The following RIN2 variants were observed in gnomAD, a reference collection of about 807,000 sequenced individuals.
The protein encoded by RIN2 is Ras and Rab interactor 2.
RIN2 carries 36 observed loss-of-function variants against 78.0 expected under a neutral mutation model. The observed-to-expected ratio is 0.46, with a 90% CI of 0.35 to 0.61. RIN2 has a LOEUF of 0.61. Ranked by LOEUF, RIN2 falls within the 20% of genes least tolerant of loss-of-function variation. The probability of loss-of-function intolerance (pLI) is 0.00; values close to 1 mark genes in which losing one functional copy is unlikely to be tolerated. For synonymous variants in RIN2, 466 were observed against 466.8 expected (o/e 1.00, Z 0.02); for missense variants, 1,087 against 1,159.7 (o/e 0.94, Z 0.91).
chr20:19,840,574 G>A (rs952635338), intron 2 of RIN2, among the ~76,000 whole-genome samples: 5 of 152,150 alleles, frequency 3.3e-5, no homozygotes, highest in Admixed American at 6.5e-5. Context: ...TCTGTCAAGG[G>A]TAAGTCCCCA....
chr20:19,887,369 T>C (rs1461147406), intron 2 of RIN2, among the ~76,000 whole-genome samples: 1 of 152,098 alleles, frequency 6.6e-6, no homozygotes, highest in East Asian at 1.9e-4. Context: ...TAATAAGCTA[T>C]GTACTGTCTG....
intron 2 of RIN2, chr20:19,889,025 A>G (rs2038322711): frequency 3.3e-6 from 2 of 615,338 alleles, no homozygotes; most frequent in South Asian, 7.2e-5. Flanking sequence ...GTAAACAGTG[A>G]CAGGATTTTA....
Position 19,975,363 on chromosome 20 carries a change from G to C in RIN2, c.1338G>C (p.Arg446=), listed in dbSNP as rs367993633. Residue 446 remains arginine, a synonymous_variant, in exon 9 of 13, where the codon CGG becomes CGC. Transcript: ENST00000255006. This position sits in a 1 kb window ranked among gnomAD's most constrained non-coding sequence, Gnocchi z 4.9. ...CCTCCGACTCGCTGGAGTTCGACCG[G>C]AGCATGCCTCTGTTTGGCTACGAGG... is the stretch of plus-strand genomic sequence containing the variant. ...TSSSDSLEFD[R]SMPLFGYEAD... The C allele has an allele frequency of 2.4e-3, 3,882 of 1,613,852 alleles. 15 individuals are homozygous for C. Among genetic ancestry groups the C allele is most frequent in the Middle Eastern group, 3.8e-3 (23 of 6,062 alleles).
intron 3 of RIN2, among the ~76,000 whole-genome samples, chr20:19,889,891 G>A (rs1275588360): frequency 2.0e-5 from 3 of 152,192 alleles, no homozygotes; most frequent in Non-Finnish European, 4.4e-5. Flanking sequence ...GGGCCGTGCT[G>A]TGCAAGACGG....
At chr20:19,996,479 T>G (rs1289493970) in intron 11 of RIN2, among the ~76,000 whole-genome samples, 200 bp from the exon 12 acceptor site, 5 of 152,174 alleles carry the variant, frequency 3.3e-5, no homozygotes, top group African/African-American at 4.8e-5. Context: ...TCCAGAAATC[T>G]CTGTGGGATG....
chr20:19,968,101 C>T (rs771118802), intron 7 of RIN2, among the ~76,000 whole-genome samples: 7 of 152,166 alleles, frequency 4.6e-5, no homozygotes, highest in African/African-American at 7.2e-5. Flanking sequence ...ACTTCACCTC[C>T]ATTAGCTCTG....
intron 8 of RIN2, among the ~76,000 whole-genome samples, chr20:19,972,298 G>T (rs921187444): frequency 4.6e-5 from 7 of 152,282 alleles, no homozygotes; most frequent in African/African-American, 1.7e-4. Context: ...CCGGGTCTCA[G>T]TTCTCTCTCC....
At chr20:19,767,568 G>T (rs546443253) in intron 1 of RIN2, among the ~76,000 whole-genome samples, 3 of 152,224 alleles carry the variant, frequency 2.0e-5, no homozygotes, top group African/African-American at 7.2e-5. Context: ...TTGCTTCTGA[G>T]GCCCTCATTT....
At chr20:19,844,928 C>T (rs995987473) in intron 2 of RIN2, among the ~76,000 whole-genome samples, 24 of 151,998 alleles carry the variant, frequency 1.6e-4, no homozygotes, top group African/African-American at 5.6e-4. Context: ...GTTCCCCTCC[C>T]TGTGTCCATG....
chr20:19,911,591 CCT>C (rs1266171444), intron 3 of RIN2, among the ~76,000 whole-genome samples: 1 of 152,220 alleles, frequency 6.6e-6, no homozygotes, highest in Non-Finnish European at 1.5e-5. Context: ...ATATAACACT[CCT>C]CTCTAACCCA....
chr20:19,862,780 G>T (rs2037384701), intron 2 of RIN2, among the ~76,000 whole-genome samples: 1 of 152,186 alleles, frequency 6.6e-6, no homozygotes, highest in Non-Finnish European at 1.5e-5. Context: ...ACCAGGGCTG[G>T]TCTTAGTCAT....
chr20:19,809,336 T>C (rs993661790), intron 2 of RIN2: 2 of 152,106 alleles, frequency 1.3e-5, no homozygotes, highest in Non-Finnish European at 2.9e-5. Context: ...GTCATAAATG[T>C]TGGAGTGAAG....
At chr20:19,840,614 G>A (rs2036550388) in intron 2 of RIN2, among the ~76,000 whole-genome samples, 1 of 152,166 alleles carries the variant, frequency 6.6e-6, no homozygotes, top group African/African-American at 2.4e-5. Flanking sequence ...AACCACTTCT[G>A]TTAATTGAGG....
rs773981430 is a variant in RIN2, at chr20:19,949,050, C to CG, written c.159-7560dup. Among the ~76,000 whole-genome samples the CG allele has an allele frequency of 1.1e-4, 16 of 147,504 alleles. No individual in the cohort carries two copies. The East Asian group carries it at 3.0e-3, about 27-fold the overall frequency. Reference sequence around the variant, plus strand: ...ATCCCAGCACTTTGGGAGGCCAAGGCGGGGGATTGCCTGAGTTCAGGAGTT... The same window carrying CG: ...ATCCCAGCACTTTGGGAGGCCAAGGCGGGGGGATTGCCTGAGTTCAGGAGTT... On this transcript the variant is annotated intron_variant, in intron 4 of 12. Transcript: ENST00000255006.
intron 2 of RIN2, among the ~76,000 whole-genome samples, chr20:19,868,761 C>A: frequency 6.6e-6 from 1 of 152,116 alleles, no homozygotes. Flanking sequence ...CAGAGATGAT[C>A]TCTGACCTAA....
chr20:19,925,100 A>G (rs77804997), intron 3 of RIN2, among the ~76,000 whole-genome samples: 9 of 139,266 alleles, frequency 6.5e-5, no homozygotes, highest in African/African-American at 2.8e-4. Flanking sequence ...ATTTGTGGAA[A>G]AAAAAAAAAA....
intron 6 of RIN2, among the ~76,000 whole-genome samples, chr20:19,961,426 T>TA (rs933609017): frequency 8.5e-5 from 13 of 152,060 alleles, no homozygotes; most frequent in African/African-American, 3.1e-4. Flanking sequence ...AAATTTTAAA[T>TA]AAAAAAGGGA....
At chr20:19,801,374 G>A (rs145063402) in intron 2 of RIN2, among the ~76,000 whole-genome samples, 4,401 of 152,110 alleles carry the variant, frequency 0.029, 212 homozygotes, top group African/African-American at 0.1. Flanking sequence ...AGGCTGGAGT[G>A]CAGTGGCGCA....
At chr20:19,845,118 T>C (rs2036740355) in intron 2 of RIN2, among the ~76,000 whole-genome samples, 1 of 152,232 alleles carries the variant, frequency 6.6e-6, no homozygotes. Context: ...CACATTTTCT[T>C]TATCCAGTCT....
Sources: allele counts gnomAD v4.1 joint callset (sites outside exome capture counted in the v4.1 genomes callset), GRCh38; gene constraint gnomAD v4.1.1; non-coding constraint Gnocchi (gnomAD v3.1); transcripts MANE v1.5; gene names NCBI Gene and HGNC (gene_info 2026-07-23, HGNC 2026-07-21).